The following ENO4 variants were observed in gnomAD, a reference collection of about 807,000 sequenced individuals.
ENO4 encodes 2-phospho-D-glycerate hydro-lyase.
ENO4 carries 53 observed loss-of-function variants against 63.2 expected under a neutral mutation model. The observed-to-expected ratio is 0.84, with a 90% CI of 0.67 to 1.05. The LOEUF (loss-of-function observed/expected upper bound fraction) is 1.05, where lower values mean the gene tolerates loss of function less well. Among genes scored for constraint, ENO4 ranks in the 50% least tolerant of loss-of-function variants. ENO4 has a pLI of 0.00. For missense variants in ENO4, 719 were observed against 772.0 expected, an observed-to-expected ratio of 0.93 and a Z score of 0.81; for synonymous variants, 266 against 283.8, an observed-to-expected ratio of 0.94 and a Z score of 0.63.
intron 10 of ENO4, among the ~76,000 whole-genome samples, chr10:116,903,872 G>A (rs906197432): frequency 6.6e-6 from 1 of 152,120 alleles, no homozygotes; most frequent in Non-Finnish European, 1.5e-5. Context: ...AATGTACACC[G>A]TTTAAGAGTA....
downstream of ENO4, chr10:116,883,318 T>C (rs1054915459): frequency 6.6e-6 from 1 of 152,126 alleles, no homozygotes; most frequent in East Asian, 1.9e-4. Context: ...ATATATAATA[T>C]TATCTGTGAA....
chr10:116,863,087 A>G (rs1846457475), intron 7 of ENO4, among the ~76,000 whole-genome samples: 1 of 152,208 alleles, frequency 6.6e-6, no homozygotes, highest in South Asian at 2.1e-4. Flanking sequence ...TTGTGCTAAG[A>G]TCATCCCTTA....
chr10:116,868,847 AC>A, intron 8 of ENO4, 141 bp downstream of exon 8: 2 of 751,474 alleles, frequency 2.7e-6, no homozygotes, highest in Non-Finnish European at 4.6e-6. Context: ...TGCTCCAGAC[AC>A]CCCCAGAGCT....
At chr10:116,900,257 T>C in intron 10 of ENO4, 1 of 419,232 alleles carries the variant, frequency 2.4e-6, no homozygotes, top group East Asian at 3.6e-5. Flanking sequence ...GTATTTGTAT[T>C]AGAGCTTTAA....
At chr10:116,856,405 T>G in intron 2 of ENO4, 87 bp from the exon 3 acceptor site, 1 of 1,081,078 alleles carries the variant, frequency 9.3e-7, no homozygotes. Flanking sequence ...GTGGTAAAAT[T>G]TCATGCATGT....
chr10:116,903,637 C>T (rs928631936), intron 10 of ENO4, among the ~76,000 whole-genome samples: 3 of 152,114 alleles, frequency 2.0e-5, no homozygotes, highest in Non-Finnish European at 1.5e-5. Flanking sequence ...TTTTAGAGTT[C>T]CTGAAAATAT....
chr10:116,899,244 G>A (rs992261006), intron 10 of ENO4, among the ~76,000 whole-genome samples: 12 of 152,134 alleles, frequency 7.9e-5, no homozygotes, highest in Non-Finnish European at 1.8e-4. Context: ...AAGTTAGAAG[G>A]TGATAACTGC....
At chr10:116,892,130 T>G (rs1847358438) in intron 10 of ENO4, among the ~76,000 whole-genome samples, 2 of 152,202 alleles carry the variant, frequency 1.3e-5, no homozygotes, top group Non-Finnish European at 2.9e-5. Flanking sequence ...TTTCTTTAGC[T>G]GAGTGACTGC....
chr10:116,857,620 A>G (rs1846301674), intron 3 of ENO4, among the ~76,000 whole-genome samples: 1 of 150,658 alleles, frequency 6.6e-6, no homozygotes, highest in South Asian at 2.1e-4. Flanking sequence ...TCAGAGTAAG[A>G]TAATGACCTT....
At chr10:116,864,127 G>A (rs1846491462) in intron 7 of ENO4, among the ~76,000 whole-genome samples, 1 of 152,204 alleles carries the variant, frequency 6.6e-6, no homozygotes, top group South Asian at 2.1e-4. Flanking sequence ...TGTCAGAGCA[G>A]GTGAAGGAAA....
intron 10 of ENO4, among the ~76,000 whole-genome samples, chr10:116,889,034 T>G (rs1032084106): frequency 2.0e-5 from 3 of 152,220 alleles, no homozygotes; most frequent in Admixed American, 2.0e-4. Flanking sequence ...GCTTTCAGCA[T>G]GCAAAGGAGG....
chr10:116,849,891 C>T (rs1450211862), intron 1 of ENO4, 160 bp downstream of exon 1: 1 of 853,710 alleles, frequency 1.2e-6, no homozygotes, highest in Non-Finnish European at 1.9e-6. Context: ...AGGGAAGGAG[C>T]GGGAAGGACA....
intron 13 of ENO4, among the ~76,000 whole-genome samples, chr10:116,880,928 C>T (rs545354856): frequency 6.6e-6 from 1 of 152,182 alleles, no homozygotes; most frequent in Non-Finnish European, 1.5e-5. Flanking sequence ...AGGCTCCACC[C>T]CTCTGTGGTG....
intron 10 of ENO4, chr10:116,900,522 A>G: frequency 3.3e-6 from 5 of 1,527,102 alleles, no homozygotes; most frequent in Non-Finnish European, 4.4e-6. Flanking sequence ...GAGTTGCAGT[A>G]TTTTCTGATT....
intron 10 of ENO4, among the ~76,000 whole-genome samples, chr10:116,897,540 C>T (rs1847566258): frequency 6.6e-6 from 1 of 152,212 alleles, no homozygotes; most frequent in Non-Finnish European, 1.5e-5. Flanking sequence ...ATCTGGCCCA[C>T]TCAAAAACCC....
At chr10:116,868,133 AT>A (rs1217514531) in intron 7 of ENO4, among the ~76,000 whole-genome samples, 2 of 152,174 alleles carry the variant, frequency 1.3e-5, no homozygotes, top group Non-Finnish European at 2.9e-5. Flanking sequence ...GATTCACCAG[AT>A]TTAATGACCT....
chr10:116,910,130 T>C (rs1039184383), intron 10 of ENO4, among the ~76,000 whole-genome samples: 1 of 152,216 alleles, frequency 6.6e-6, no homozygotes, highest in Non-Finnish European at 1.5e-5. Context: ...GTGTGGTTTA[T>C]AGGCTCCAGG....
chr10:116,875,584 CACAT>C (rs1194514698), intron 10 of ENO4, among the ~76,000 whole-genome samples: 7 of 151,868 alleles, frequency 4.6e-5, no homozygotes, highest in South Asian at 2.1e-4. Flanking sequence ...CACACACACA[CACAT>C]GCACATGTAT....
At chr10:116,898,344 A>G (rs1042632906) in intron 10 of ENO4, among the ~76,000 whole-genome samples, 2 of 151,968 alleles carry the variant, frequency 1.3e-5, no homozygotes, top group Non-Finnish European at 2.9e-5. Flanking sequence ...AAAAAATTCT[A>G]TAATTTAGAA....
Sources: allele counts gnomAD v4.1 joint callset (sites outside exome capture counted in the v4.1 genomes callset), GRCh38; gene constraint gnomAD v4.1.1; transcripts MANE v1.5; gene names NCBI Gene and HGNC (gene_info 2026-07-23, HGNC 2026-07-21).